TBC1D1: variants seen among roughly 807,000 people sequenced by gnomAD.
The protein encoded by TBC1D1 is TBC1 (tre-2/USP6, BUB2, cdc16) domain family, member 1.
TBC1D1 carries 89 observed loss-of-function variants against 125.6 expected under a neutral mutation model. That is an observed-to-expected ratio of 0.71 (90% CI 0.60 to 0.85). The LOEUF (loss-of-function observed/expected upper bound fraction) is 0.85. Ranked by LOEUF, TBC1D1 falls within the 40% of genes least tolerant of loss-of-function variation. TBC1D1 has a pLI of 0.00. For synonymous variants in TBC1D1, 565 were observed against 564.1 expected (o/e 1.00, Z -0.02); for missense variants, 1,377 against 1,469.2 (o/e 0.94, Z 1.03).
chr4:37,911,908 A>G (rs1373701332), intron 2 of TBC1D1, among the ~76,000 whole-genome samples: 3 of 152,238 alleles, frequency 2.0e-5, no homozygotes, highest in African/African-American at 7.2e-5. Flanking sequence ...CTTCATGTAC[A>G]AAAAGCAAGA....
intron 2 of TBC1D1, among the ~76,000 whole-genome samples, chr4:37,981,985 A>G (rs1054669037): frequency 1.3e-5 from 2 of 152,178 alleles, no homozygotes; most frequent in Admixed American, 6.5e-5. Flanking sequence ...TGGCTTTGCT[A>G]TCTTGTTTGT....
intron 12 of TBC1D1, among the ~76,000 whole-genome samples, chr4:38,068,127 C>T (rs1754051589): frequency 6.6e-6 from 1 of 152,098 alleles, no homozygotes; most frequent in South Asian, 2.1e-4. Context: ...CCCTCCAGTT[C>T]CAAGCAGAAC....
chr4:38,062,220 C>T lies in TBC1D1; in HGVS notation c.2050+7882C>T, dbSNP rs189523291. Among the ~76,000 whole-genome samples, 177 of 151,664 alleles carry T rather than the reference C, an allele frequency of 1.2e-3. 1 individual carries two copies. Among genetic ancestry groups the T allele is most frequent in the Admixed American group, 2.8e-3 (43 of 15,236 alleles). On this transcript the variant is annotated intron_variant, in intron 12 of 19. Coordinates refer to ENST00000261439, the MANE Select transcript of TBC1D1 (RefSeq NM_015173.4). ...ACCACTTGGTGGCAGTGTTGCTCCCCGCATCTTGATTGCCCTTGTTTCTTT... is the reference window on the plus strand; with the variant it reads ...ACCACTTGGTGGCAGTGTTGCTCCCTGCATCTTGATTGCCCTTGTTTCTTT...
chr4:37,958,121 C>A (rs372666763), intron 2 of TBC1D1, among the ~76,000 whole-genome samples: 1 of 152,138 alleles, frequency 6.6e-6, no homozygotes, highest in African/African-American at 2.4e-5. Context: ...ACGTTTATGG[C>A]GACCAAGTTT....
intron 2 of TBC1D1, among the ~76,000 whole-genome samples, chr4:37,919,260 T>C (rs550589485): frequency 5.1e-4 from 77 of 150,322 alleles, no homozygotes; most frequent in Non-Finnish European, 8.8e-4. Flanking sequence ...CTCCACCTCC[T>C]GGGTTCAAGC....
intron 10 of TBC1D1, among the ~76,000 whole-genome samples, chr4:38,047,487 G>A (rs1029847334): frequency 1.9e-4 from 29 of 152,172 alleles, no homozygotes; most frequent in African/African-American, 7.0e-4. Context: ...ACATAGTGTC[G>A]TCCAGCCTCC....
chr4:38,117,702 T>C (rs538433437), intron 16 of TBC1D1, among the ~76,000 whole-genome samples: 1 of 152,362 alleles, frequency 6.6e-6, no homozygotes, highest in Non-Finnish European at 1.5e-5. Flanking sequence ...GCAAAGAGTA[T>C]GTATTTGTAA....
Position 38,049,741 on chromosome 4 carries a change from TCGCCCCAGCAGG to T in TBC1D1, c.1755_1766del (p.Pro586_Ala589del), listed in dbSNP as rs760016569. On this transcript the variant is annotated inframe_deletion, in exon 11 of 20. Transcript: ENST00000261439. ...TCTCCCAGAAGAGCCAGCTCCGCTG[TCGCCCCAGCAGG>T]CCTTCAGGAGGCGAGCAAACACCCT... The T allele has an allele frequency of 8.1e-6, 13 of 1,614,014 alleles. No homozygotes were observed. The South Asian group carries it at 1.3e-4, about 16-fold the overall frequency.
intron 12 of TBC1D1, among the ~76,000 whole-genome samples, chr4:38,062,808 T>C (rs1271913621): frequency 6.6e-6 from 1 of 152,132 alleles, no homozygotes; most frequent in East Asian, 1.9e-4. Context: ...CATAACACTG[T>C]GTGAGGGCTG....
At chr4:38,083,470 T>C (rs1228137280) in intron 12 of TBC1D1, among the ~76,000 whole-genome samples, 1 of 152,236 alleles carries the variant, frequency 6.6e-6, no homozygotes, top group Non-Finnish European at 1.5e-5. Flanking sequence ...TACCTGTTCT[T>C]CCAGAACCAC....
intron 7 of TBC1D1, 44 bp downstream of exon 7, chr4:38,027,923 C>T (rs374330125): frequency 7.8e-6 from 11 of 1,417,666 alleles, no homozygotes; most frequent in African/African-American, 2.9e-5. Context: ...AAAAGGCAGG[C>T]AGCTTACCTG....
chr4:38,014,951 A>G lies in TBC1D1; in HGVS notation c.860A>G (p.Glu287Gly). 1 of 1,549,750 alleles carries G rather than the reference A, an allele frequency of 6.5e-7. No homozygotes were observed. Among genetic ancestry groups the G allele is most frequent in the Non-Finnish European group, 8.7e-7 (1 of 1,144,424 alleles). The change falls in exon 3 of 20, where the codon GAA becomes GGA. Residue 287 changes from glutamate (E) to glycine (G), a missense_variant. Physicochemically the swap from Glu to Gly is moderately conservative, Grantham distance 98. Transcript: ENST00000261439. The surrounding 1 kb of genome is among the most constrained non-coding windows in gnomAD (Gnocchi z 5.1). Reference sequence around the variant, plus strand: ...ATTGTGCAGCCCACAGATATCGAGGAAAATCGAACTATGCTCTTCACGGTA... The same window carrying G: ...ATTGTGCAGCCCACAGATATCGAGGGAAATCGAACTATGCTCTTCACGGTA...
At chr4:38,092,477 TC>T (rs1758584165) in intron 13 of TBC1D1, among the ~76,000 whole-genome samples, 2 of 152,104 alleles carry the variant, frequency 1.3e-5, no homozygotes, top group African/African-American at 4.8e-5. Context: ...ACTCCTGTAA[TC>T]CCAGCACTTT....
chr4:38,107,214 C>T (rs1001311368), intron 15 of TBC1D1, among the ~76,000 whole-genome samples: 6 of 152,194 alleles, frequency 3.9e-5, no homozygotes, highest in African/African-American at 7.2e-5. Context: ...GGCCTAGACC[C>T]GGCAGTGGAG....
intron 2 of TBC1D1, among the ~76,000 whole-genome samples, chr4:37,966,356 C>T (rs1731056842): frequency 6.6e-6 from 1 of 152,238 alleles, no homozygotes; most frequent in African/African-American, 2.4e-5. Context: ...CAGAGCAAAA[C>T]TTCTGTCCTG....
chr4:37,923,996 G>A (rs1268697271), intron 2 of TBC1D1, among the ~76,000 whole-genome samples: 2 of 151,996 alleles, frequency 1.3e-5, no homozygotes, highest in Non-Finnish European at 2.9e-5. Context: ...CCTCTTTTTA[G>A]CCTCATTTGG....
chr4:38,039,135 T>TTTTG (rs1747838780), intron 8 of TBC1D1, among the ~76,000 whole-genome samples: 1 of 88,872 alleles, frequency 1.1e-5, no homozygotes, highest in Non-Finnish European at 2.1e-5. Context: ...TTTTTTTTTT[T>TTTTG]GAGACAGAGT....
At chr4:38,082,221 G>T (rs940995526) in intron 12 of TBC1D1, among the ~76,000 whole-genome samples, 3 of 152,146 alleles carry the variant, frequency 2.0e-5, no homozygotes, top group African/African-American at 7.2e-5. Flanking sequence ...ATAAGGGCGG[G>T]GTGGCGAAGG....
At chr4:38,085,830 C>T (rs78052542) in intron 12 of TBC1D1, among the ~76,000 whole-genome samples, 7 of 152,268 alleles carry the variant, frequency 4.6e-5, no homozygotes, top group African/African-American at 1.7e-4. Context: ...AACAGTGCCC[C>T]GGTTTATCAT....
Sources: gnomAD v4.1 joint callset for allele counts (sites outside exome capture counted in the v4.1 genomes callset) on GRCh38, gnomAD v4.1.1 for gene constraint, Gnocchi (gnomAD v3.1) non-coding constraint, MANE v1.5 for transcripts, NCBI Gene and HGNC (gene_info 2026-07-23, HGNC 2026-07-21) for gene names.